Variants in ADAMTS17 observed in about 807,000 individuals in gnomAD.
ADAMTS17 encodes the protein A disintegrin and metalloproteinase with thrombospondin motifs 17.
In ADAMTS17, 113 loss-of-function variants were observed where a neutral mutation model predicts 141.5. The ratio of observed to expected loss-of-function variants is 0.80; its 90% CI spans 0.69 to 0.93. The LOEUF (loss-of-function observed/expected upper bound fraction) is 0.93, where lower values mean the gene tolerates loss of function less well. ADAMTS17 is among the 40% of genes least tolerant of loss of function. The pLI, the probability that ADAMTS17 is intolerant of heterozygous loss-of-function variation, is 0.00. For synonymous variants in ADAMTS17, 768 were observed against 630.6 expected (o/e 1.22, Z -3.27); for missense variants, 1,659 against 1,517.9 (o/e 1.09, Z -1.54).
rs560669932 is a variant in ADAMTS17 at position 100,093,619 on chromosome 15, C to A, written c.2137+2737G>T. Among the ~76,000 whole-genome samples the A allele has an allele frequency of 1.2e-4, 18 of 152,148 alleles. No homozygotes were observed. The South Asian group carries it at 3.7e-3, about 32-fold the overall frequency. ...TTCAGCCTGAAGTGTCCTCCCCCTA[C>A]CCCCACTATCAGCTGATTTCTACTT... On this transcript the variant is annotated intron_variant, in intron 15 of 21. Transcript: ENST00000268070.
At chr15:100,073,661 G>T (rs2034151047) in intron 15 of ADAMTS17, among the ~76,000 whole-genome samples, 1 of 149,890 alleles carries the variant, frequency 6.7e-6, no homozygotes, top group African/African-American at 2.5e-5. Flanking sequence ...ACTATCACAA[G>T]GACAAAAAAC....
chr15:100,153,973 G>A (rs1184824618), intron 9 of ADAMTS17, among the ~76,000 whole-genome samples: 2 of 152,204 alleles, frequency 1.3e-5, no homozygotes, highest in African/African-American at 2.4e-5. Context: ...CTCGGATCAG[G>A]AGTTCGAGGC....
At chr15:100,314,997 TA>T (rs1427414953) in intron 3 of ADAMTS17, among the ~76,000 whole-genome samples, 4 of 152,142 alleles carry the variant, frequency 2.6e-5, no homozygotes, top group African/African-American at 9.7e-5. Context: ...GAGGGGTCCT[TA>T]TTGTCAAATG....
At chr15:100,085,063 C>T (rs563858196) in intron 15 of ADAMTS17, among the ~76,000 whole-genome samples, 22 of 152,096 alleles carry the variant, frequency 1.4e-4, no homozygotes, top group African/African-American at 5.1e-4. Flanking sequence ...GGAGGAAGTT[C>T]GAACCCATGG....
intron 7 of ADAMTS17, among the ~76,000 whole-genome samples, chr15:100,230,749 C>A (rs1039347866): frequency 6.6e-6 from 1 of 152,062 alleles, no homozygotes; most frequent in Non-Finnish European, 1.5e-5. Context: ...TAGTGGGTAA[C>A]GACAATGCTT....
At chr15:100,286,254 C>T (rs1243978321) in intron 3 of ADAMTS17, among the ~76,000 whole-genome samples, 1 of 152,184 alleles carries the variant, frequency 6.6e-6, no homozygotes, top group Non-Finnish European at 1.5e-5. Flanking sequence ...ACCCTGCTGC[C>T]CTACCACTGA....
At chr15:100,247,245 G>C (rs1408678339) in intron 7 of ADAMTS17, among the ~76,000 whole-genome samples, 1 of 152,022 alleles carries the variant, frequency 6.6e-6, no homozygotes, top group Non-Finnish European at 1.5e-5. Context: ...CCTTCTGTCA[G>C]CTTACAAGGA....
chr15:100,235,877 C>T (rs2042638285), intron 7 of ADAMTS17, among the ~76,000 whole-genome samples: 1 of 152,132 alleles, frequency 6.6e-6, no homozygotes, highest in Non-Finnish European at 1.5e-5. Context: ...AAGTAAATTG[C>T]CCAGGCTGTA....
intron 7 of ADAMTS17, among the ~76,000 whole-genome samples, 185 bp from the exon 8 acceptor site, chr15:100,199,608 T>C (rs75102945): frequency 0.013 from 1,917 of 151,836 alleles, 52 homozygotes; most frequent in African/African-American, 0.043. Context: ...AATAAAACAA[T>C]AACCACCGCA....
chr15:100,334,342 CCA>C (rs2046143665), intron 2 of ADAMTS17, among the ~76,000 whole-genome samples: 1 of 152,194 alleles, frequency 6.6e-6, no homozygotes, highest in Non-Finnish European at 1.5e-5. Context: ...TCACACGATT[CCA>C]CAAAGACCGC....
chr15:100,114,701 A>G (rs541140342), intron 13 of ADAMTS17, among the ~76,000 whole-genome samples: 2 of 152,336 alleles, frequency 1.3e-5, no homozygotes, highest in Non-Finnish European at 2.9e-5. Flanking sequence ...GGACTTAGGC[A>G]GAGAGAAACA....
intron 14 of ADAMTS17, among the ~76,000 whole-genome samples, chr15:100,102,814 T>TGA (rs2036197882): frequency 6.6e-6 from 1 of 152,162 alleles, no homozygotes; most frequent in Non-Finnish European, 1.5e-5. Flanking sequence ...ACATTTTACT[T>TGA]GACAGCCCGT....
intron 18 of ADAMTS17, among the ~76,000 whole-genome samples, chr15:100,036,558 T>C (rs1307050857): frequency 6.6e-6 from 1 of 152,244 alleles, no homozygotes; most frequent in Non-Finnish European, 1.5e-5. Flanking sequence ...CTCGAGAGCC[T>C]GCAACCGTAA....
At position 100,080,049 on chromosome 15, in the gene ADAMTS17, G is replaced by A. The variant is rs563584080; in HGVS notation, c.2137+16307C>T. Among the ~76,000 whole-genome samples the A allele has an allele frequency of 7.2e-5, 11 of 152,194 alleles. 1 individual carries two copies. Among genetic ancestry groups the A allele is most frequent in the South Asian group, 6.2e-4 (3 of 4,814 alleles). ...TGTTCTGAATTAGCATCCAATATAC[G>A]GTACTGTTTCTCCCATAGCCAGGAT... On this transcript the variant is annotated intron_variant, in intron 15 of 21. Transcript: ENST00000268070.
At chr15:100,047,657 T>A (rs2031814211) in intron 18 of ADAMTS17, among the ~76,000 whole-genome samples, 1 of 152,174 alleles carries the variant, frequency 6.6e-6, no homozygotes. Flanking sequence ...GAGCTCATGC[T>A]GACCTCTCCT....
intron 3 of ADAMTS17, among the ~76,000 whole-genome samples, chr15:100,285,754 C>A (rs1189904544): frequency 6.6e-6 from 1 of 152,170 alleles, no homozygotes; most frequent in Non-Finnish European, 1.5e-5. Context: ...AGGGGCAGGA[C>A]TCCAGCCTGT....
chr15:99,974,356 G>T lies in ADAMTS17; in HGVS notation c.*46C>A, dbSNP rs2581340. On this transcript the variant is annotated 3_prime_UTR_variant, in exon 22 of 22. Coordinates refer to ENST00000268070, the MANE Select transcript of ADAMTS17 (RefSeq NM_139057.4). ...GGCTGGTAGGCTTGCGGGTGGGTGG[G>T]TTTCAGACCTGAGTCTGAGCTTTGA... 6.2e-6 allele frequency: 10 copies of T among 1,612,594 alleles called. No individual in the cohort carries two copies. Among genetic ancestry groups the T allele is most frequent in the African/African-American group, 5.3e-5 (4 of 74,846 alleles).
chr15:100,119,513 C>T (rs771047502), intron 12 of ADAMTS17, among the ~76,000 whole-genome samples: 49 of 152,208 alleles, frequency 3.2e-4, no homozygotes, highest in African/African-American at 1.2e-4. Flanking sequence ...GAGTGGTTAT[C>T]GAGCTTCCTT....
rs139105066 is a variant in ADAMTS17 at position 99,997,448 on chromosome 15, C to T, written c.2733G>A (p.Ala911=). ...CCTGGCCTTCACAGCTCTGCACTGCCGCCGGCCGGGGGCCCGGGCAGTAGA... is the reference window on the plus strand; with the variant it reads ...CCTGGCCTTCACAGCTCTGCACTGCTGCCGGCCGGGGGCCCGGGCAGTAGA... ...RPLYCPGPRP[A]AVQSCEGQDC... is the part of the protein sequence containing the mutation. Residue 911 remains alanine (A), a synonymous_variant, in exon 19 of 22, where the codon GCG becomes GCA. Transcript: ENST00000268070. This position sits in a 1 kb window ranked among gnomAD's most constrained non-coding sequence, Gnocchi z 4.7. 75 of 1,613,622 alleles carry T rather than the reference C, an allele frequency of 4.6e-5. No individual in the cohort carries two copies. The highest frequency in any genetic ancestry group is 1.6e-4 in the Middle Eastern group (1 of 6,062).
Sources: allele counts gnomAD v4.1 joint callset (sites outside exome capture counted in the v4.1 genomes callset), GRCh38; gene constraint gnomAD v4.1.1; non-coding constraint Gnocchi (gnomAD v3.1); transcripts MANE v1.5; gene names NCBI Gene and HGNC (gene_info 2026-07-23, HGNC 2026-07-21).